STRBP: variants seen among roughly 807,000 people sequenced by gnomAD.
STRBP encodes the protein spermatid perinuclear RNA-binding protein.
Under a neutral mutation model 80.1 loss-of-function variants are expected in STRBP, and 13 were observed. The observed-to-expected ratio is 0.16, with a 90% confidence interval of 0.11 to 0.26. The LOEUF is 0.26. Among genes scored for constraint, STRBP ranks in the 10% least tolerant of loss-of-function variants. STRBP has a pLI of 1.00. For synonymous variants in STRBP, 284 were observed against 291.2 expected (o/e 0.98, Z 0.25); for missense variants, 485 against 815.2 (o/e 0.59, Z 4.93).
At chr9:123,253,291 A>G (rs924420250) in intron 1 of STRBP, among the ~76,000 whole-genome samples, 2 of 152,256 alleles carry the variant, frequency 1.3e-5, no homozygotes, top group African/African-American at 2.4e-5. Flanking sequence ...AAAGAGTTCC[A>G]AAGATTATTT....
At chr9:123,263,412 C>T (rs2041198707) in intron 1 of STRBP, among the ~76,000 whole-genome samples, 1 of 150,712 alleles carries the variant, frequency 6.6e-6, no homozygotes, top group African/African-American at 2.5e-5. Context: ...GTAGTCCCAG[C>T]TACTCGAGAT....
chr9:123,119,024 T>C (rs2035689110), downstream of STRBP, among the ~76,000 whole-genome samples: 1 of 152,236 alleles, frequency 6.6e-6, no homozygotes, highest in Admixed American at 6.5e-5. Flanking sequence ...TGGGCAGATA[T>C]GTTTTCTCTA....
intron 1 of STRBP, among the ~76,000 whole-genome samples, chr9:123,245,002 A>T (rs1159706630): frequency 6.6e-6 from 1 of 152,226 alleles, no homozygotes; most frequent in Non-Finnish European, 1.5e-5. Context: ...CACATGCAAC[A>T]ACTTGGATGG....
chr9:123,160,255 T>G, intron 8 of STRBP, 112 bp downstream of exon 8: 1 of 604,948 alleles, frequency 1.7e-6, no homozygotes, highest in Non-Finnish European at 2.6e-6. Context: ...ACATACATAA[T>G]GCATGCCTTA....
intron 3 of STRBP, chr9:123,111,185 T>C: frequency 5.9e-6 from 1 of 169,872 alleles, no homozygotes. Flanking sequence ...ACAAGGAGGC[T>C]TGGTAAGTGA....
chr9:123,125,085 A>G lies in STRBP; in HGVS notation c.*512T>C. On this transcript the variant is annotated 3_prime_UTR_variant, in exon 19 of 19. Coordinates refer to ENST00000348403, the MANE Select transcript of STRBP (RefSeq NM_018387.5). ...CTTTATTACACACTTCAATATTTAC[A>G]AAGTTAAAGTTAAATGAAAAGTCTC... is the stretch of plus-strand genomic sequence containing the variant. 9.1e-6 allele frequency: 9 copies of G among 985,474 alleles called. No homozygotes were observed. The highest frequency in any genetic ancestry group is 1.1e-5 in the Non-Finnish European group (9 of 829,534). The allele number at this position is 985,474 out of a possible 1,614,324, so 61.0% of individuals were successfully genotyped here. A position where few individuals can be genotyped will look rare whatever the true frequency, so the allele number is the denominator to read the frequency against.
Position 123,161,019 on chromosome 9 carries a change from G to A in STRBP, c.585C>T (p.Cys195=). The stretch of plus-strand genomic sequence containing the variant: ...GTCGAAGAGACGCCAAGGCGTTCAG[G>A]CATTTCTGCCTGTCCAATAAGTCCG... ...DPPDLLDRQK[C]LNALASLRHA... The change falls in exon 7 of 19, where the codon TGC becomes TGT. Residue 195 remains cysteine, a synonymous_variant. Transcript: ENST00000348403. 6.3e-7 allele frequency: 1 copy of A among 1,594,910 alleles called. No homozygotes were observed. Among genetic ancestry groups the A allele is most frequent in the Non-Finnish European group, 8.5e-7 (1 of 1,174,716 alleles).
intron 3 of STRBP, among the ~76,000 whole-genome samples, chr9:123,180,240 G>A (rs954081559): frequency 6.6e-6 from 1 of 152,154 alleles, no homozygotes; most frequent in African/African-American, 2.4e-5. Context: ...GGGCAACAGA[G>A]TAAGACCCAG....
intron 11 of STRBP, among the ~76,000 whole-genome samples, chr9:123,156,694 C>A (rs1332849941): frequency 2.2e-3 from 319 of 145,246 alleles, no homozygotes; most frequent in Middle Eastern, 3.5e-3. Context: ...AAAAAAAAAA[C>A]CCCTTAATAT....
intron 11 of STRBP, among the ~76,000 whole-genome samples, chr9:123,155,382 G>A (rs1023342080): frequency 3.3e-5 from 5 of 152,080 alleles, no homozygotes; most frequent in African/African-American, 7.2e-5. Context: ...CAGTCAAGAC[G>A]GCTGTTCTCC....
At chr9:123,154,180 G>T (rs1232670027) in intron 11 of STRBP, among the ~76,000 whole-genome samples, 1 of 152,184 alleles carries the variant, frequency 6.6e-6, no homozygotes, top group African/African-American at 2.4e-5. Context: ...GTAAGTGGTT[G>T]TCAAAACTAA....
intron 1 of STRBP, among the ~76,000 whole-genome samples, chr9:123,264,768 C>T (rs1256114725): frequency 2.0e-5 from 3 of 152,212 alleles, no homozygotes; most frequent in African/African-American, 4.8e-5. Context: ...AAAGTGCCTA[C>T]AAATTGTCCC....
chr9:123,171,109 C>T (rs912283245), intron 5 of STRBP, among the ~76,000 whole-genome samples: 1 of 152,168 alleles, frequency 6.6e-6, no homozygotes, highest in African/African-American at 2.4e-5. Context: ...AGCTCACATT[C>T]ATTTTGTCAC....
intron 2 of STRBP, among the ~76,000 whole-genome samples, chr9:123,216,139 T>C (rs2039889994): frequency 6.6e-6 from 1 of 152,180 alleles, no homozygotes; most frequent in Non-Finnish European, 1.5e-5. Flanking sequence ...GGAAGCGTCC[T>C]CTCATCTTGA....
At chr9:123,182,654 A>T (rs891025502) in intron 3 of STRBP, among the ~76,000 whole-genome samples, 1 of 152,190 alleles carries the variant, frequency 6.6e-6, no homozygotes, top group Non-Finnish European at 1.5e-5. Flanking sequence ...TTCTCTAAGG[A>T]GTCAGCTGAT....
Position 123,218,355 on chromosome 9 carries a change from CTTT to C in STRBP, c.-165+18472_-165+18474del, listed in dbSNP as rs10689260. On this transcript the variant is annotated intron_variant, in intron 2 of 18. Coordinates refer to ENST00000348403, the MANE Select transcript of STRBP (RefSeq NM_018387.5). The stretch of plus-strand genomic sequence containing the variant: ...CAGCTTATTTATACATTAAATATGA[CTTT>C]TTTTTTTTTTTTTTTTTTTTTTGAG... 7.1e-4 allele frequency among the ~76,000 whole-genome samples: 73 copies of C among 102,408 alleles called. 1 individual carries two copies. The highest frequency in any genetic ancestry group is 2.4e-3 in the African/African-American group (55 of 22,746). 67.2% of individuals were successfully genotyped at this position (102,408 alleles called of 152,430 possible).
intron 1 of STRBP, among the ~76,000 whole-genome samples, chr9:123,268,094 C>G (rs1197179936): frequency 6.6e-6 from 1 of 151,628 alleles, no homozygotes; most frequent in Non-Finnish European, 1.5e-5. Flanking sequence ...GCCCTCCGTC[C>G]CGGAAGACCT....
At chr9:123,155,391 C>A (rs2037238454) in intron 11 of STRBP, among the ~76,000 whole-genome samples, 1 of 152,068 alleles carries the variant, frequency 6.6e-6, no homozygotes. Flanking sequence ...CGGCTGTTCT[C>A]CAACCATGTT....
intron 2 of STRBP, among the ~76,000 whole-genome samples, chr9:123,198,969 G>A (rs1469492431): frequency 6.6e-6 from 1 of 151,970 alleles, no homozygotes; most frequent in Non-Finnish European, 1.5e-5. Context: ...TTTTTGAGAT[G>A]GAGTCTGACT....
Sources: allele counts gnomAD v4.1 joint callset (sites outside exome capture counted in the v4.1 genomes callset), GRCh38; gene constraint gnomAD v4.1.1; transcripts MANE v1.5; gene names NCBI Gene and HGNC (gene_info 2026-07-23, HGNC 2026-07-21).